GALNT13: variants seen among roughly 807,000 people sequenced by gnomAD.
The protein encoded by GALNT13 is polypeptide N-acetylgalactosaminyltransferase 13, also known as UDP-GalNAc:polypeptide N-acetylgalactosaminyltransferase 13.
A neutral mutation model predicts 64.2 loss-of-function variants in GALNT13; 28 were observed. The ratio of observed to expected loss-of-function variants is 0.44; its 90% CI spans 0.32 to 0.60. The LOEUF (loss-of-function observed/expected upper bound fraction) is 0.60, where lower values mean the gene tolerates loss of function less well. Ranked by LOEUF, GALNT13 falls within the 20% of genes least tolerant of loss-of-function variation. The pLI is 0.05. For missense variants in GALNT13, 577 were observed against 669.8 expected, an observed-to-expected ratio of 0.86 and a Z score of 1.53; for synonymous variants, 214 against 224.6, an observed-to-expected ratio of 0.95 and a Z score of 0.42.
the GALNT13 span, among the ~76,000 whole-genome samples, chr2:153,497,063 G>T: frequency 2.0e-5 from 3 of 151,206 alleles, no homozygotes; most frequent in Non-Finnish European, 2.9e-5. Flanking sequence ...AATAGGTACT[G>T]CATTCCTCTT....
intron 4 of GALNT13, among the ~76,000 whole-genome samples, chr2:154,165,722 A>AGAAG (rs1254890228): frequency 6.6e-6 from 1 of 152,218 alleles, no homozygotes; most frequent in Non-Finnish European, 1.5e-5. Flanking sequence ...GAAATCTAAA[A>AGAAG]GAAGGATTAC....
the GALNT13 span, among the ~76,000 whole-genome samples, chr2:153,118,147 C>CATA: frequency 4.3e-5 from 6 of 140,168 alleles, no homozygotes; most frequent in African/African-American, 1.6e-4. Context: ...ACACACACAC[C>CATA]CCACATAAAC....
At chr2:153,583,067 CATT>C in the GALNT13 span, among the ~76,000 whole-genome samples, 4 of 152,244 alleles carry the variant, frequency 2.6e-5, no homozygotes, top group Non-Finnish European at 5.9e-5. Context: ...TAATCACAAA[CATT>C]ATAAATGCAG....
chr2:153,236,403 A>G, the GALNT13 span, among the ~76,000 whole-genome samples: 1 of 152,104 alleles, frequency 6.6e-6, no homozygotes, highest in African/African-American at 2.4e-5. Context: ...ATAGCTAGAG[A>G]AGAGAAGTCA....
the GALNT13 span, among the ~76,000 whole-genome samples, chr2:153,764,136 G>A: frequency 6.6e-6 from 1 of 152,318 alleles, no homozygotes; most frequent in South Asian, 2.1e-4. Context: ...GCTGTGCGTA[G>A]AGATTGGCAT....
At chr2:153,908,668 C>A (rs1038484734) in intron 2 of GALNT13, among the ~76,000 whole-genome samples, 2 of 151,830 alleles carry the variant, frequency 1.3e-5, no homozygotes, top group Non-Finnish European at 2.9e-5. Flanking sequence ...TCATTGCTTT[C>A]TTTTGTTGAC....
the GALNT13 span, among the ~76,000 whole-genome samples, chr2:153,668,973 C>T: frequency 6.6e-6 from 1 of 152,164 alleles, no homozygotes; most frequent in Non-Finnish European, 1.5e-5. Flanking sequence ...GAAAATCTTG[C>T]ATGTGAGATG....
chr2:153,855,396 AAAAAC>A, the GALNT13 span, among the ~76,000 whole-genome samples: 2 of 152,202 alleles, frequency 1.3e-5, no homozygotes, highest in East Asian at 3.8e-4. Flanking sequence ...TGGACAAGGA[AAAAAC>A]AAAACAACAA....
chr2:153,891,953 G>A (rs1227136886), intron 1 of GALNT13, among the ~76,000 whole-genome samples: 1 of 151,848 alleles, frequency 6.6e-6, no homozygotes, highest in South Asian at 2.1e-4. Flanking sequence ...CTTTGCTCAC[G>A]TTGCTTTGCA....
the GALNT13 span, among the ~76,000 whole-genome samples, chr2:153,606,233 A>C: frequency 1.3e-5 from 2 of 152,046 alleles, no homozygotes; most frequent in African/African-American, 4.8e-5. Context: ...ATGGGTGTAC[A>C]TACGTATATA....
the GALNT13 span, among the ~76,000 whole-genome samples, chr2:153,142,445 TA>T: frequency 6.6e-6 from 1 of 152,056 alleles, no homozygotes; most frequent in East Asian, 1.9e-4. Flanking sequence ...CTTGGAATGA[TA>T]AAAGGTTTAA....
chr2:153,401,125 G>A, the GALNT13 span, among the ~76,000 whole-genome samples: 2 of 152,032 alleles, frequency 1.3e-5, no homozygotes, highest in African/African-American at 4.8e-5. Flanking sequence ...GGTATGTTGT[G>A]TCTTTGTTCT....
chr2:153,640,262 G>T, the GALNT13 span, among the ~76,000 whole-genome samples: 29 of 152,260 alleles, frequency 1.9e-4, no homozygotes, highest in Non-Finnish European at 3.1e-4. Flanking sequence ...GAAACCTGTT[G>T]TCAGCATAAG....
chr2:153,810,883 C>A, the GALNT13 span, among the ~76,000 whole-genome samples: 2 of 152,042 alleles, frequency 1.3e-5, no homozygotes, highest in South Asian at 4.1e-4. Context: ...GAAAAACTAA[C>A]CAAACATCAC....
chr2:153,776,064 G>T, the GALNT13 span, among the ~76,000 whole-genome samples: 1 of 152,090 alleles, frequency 6.6e-6, no homozygotes, highest in African/African-American at 2.4e-5. Flanking sequence ...TTTTAATGCA[G>T]ATACTATAAT....
At chr2:154,148,179 G>C (rs1019061317) in intron 4 of GALNT13, among the ~76,000 whole-genome samples, 4 of 151,752 alleles carry the variant, frequency 2.6e-5, no homozygotes, top group Non-Finnish European at 5.9e-5. Context: ...TGCAGTGTTT[G>C]GTTTTTTGTT....
At chr2:154,209,341 T>C (rs1165974264) in intron 4 of GALNT13, among the ~76,000 whole-genome samples, 1 of 152,188 alleles carries the variant, frequency 6.6e-6, no homozygotes, top group East Asian at 1.9e-4. Flanking sequence ...AAGGATTTTT[T>C]CTTCCAAGCA....
the GALNT13 span, among the ~76,000 whole-genome samples, chr2:153,650,864 A>G: frequency 6.6e-6 from 1 of 152,120 alleles, no homozygotes; most frequent in East Asian, 1.9e-4. Context: ...TTTCGGAAGT[A>G]TAAGATTAAA....
At chr2:154,089,489 A>G (rs1214750690) in intron 3 of GALNT13, among the ~76,000 whole-genome samples, 80 of 152,054 alleles carry the variant, frequency 5.3e-4, no homozygotes, top group Admixed American at 5.2e-3. Flanking sequence ...AAAGGAATAA[A>G]GCCTAGACCT....
Sources: allele counts gnomAD v4.1 joint callset (sites outside exome capture counted in the v4.1 genomes callset), GRCh38; gene constraint gnomAD v4.1.1; transcripts MANE v1.5; gene names NCBI Gene and HGNC (gene_info 2026-07-23, HGNC 2026-07-21).